ACO1: variants seen among roughly 807,000 people sequenced by gnomAD.
ACO1 encodes cytoplasmic aconitate hydratase.
ACO1 carries 78 observed loss-of-function variants against 105.1 expected under a neutral mutation model. The observed-to-expected ratio is 0.74, with a 90% CI of 0.62 to 0.90. The LOEUF is 0.90. Among genes scored for constraint, ACO1 ranks in the 40% least tolerant of loss-of-function variants. The probability of loss-of-function intolerance (pLI) is 0.00; values close to 1 mark genes in which losing one functional copy is unlikely to be tolerated. For synonymous variants in ACO1, 364 were observed against 397.4 expected (o/e 0.92, Z 1.00); for missense variants, 965 against 1,111.1 (o/e 0.87, Z 1.87).
chr9:32,431,457 A>G (rs918503134), intron 14 of ACO1, among the ~76,000 whole-genome samples: 4 of 152,180 alleles, frequency 2.6e-5, no homozygotes, highest in Non-Finnish European at 4.4e-5. Context: ...TGGAAGTTCA[A>G]TGTCAGTGAG....
chr9:32,404,744 C>T (rs918165851), intron 1 of ACO1, among the ~76,000 whole-genome samples: 1 of 152,260 alleles, frequency 6.6e-6, no homozygotes. Context: ...ATCTTCTGTG[C>T]TGCCTCTCTG....
rs531535496 is a variant in ACO1, at chr9:32,433,964, T to G, written c.1956+132T>G. On this transcript the variant is annotated intron_variant, in intron 16 of 20. Coordinates refer to ENST00000309951, the MANE Select transcript of ACO1 (RefSeq NM_002197.3). ...ACCCTTTGCAAACCCAAGCAGATAC[T>G]GCTGGGGAAAGTTTTGGGAGGCTGG... The G allele has an allele frequency of 1.7e-3, 1,185 of 714,444 alleles. 14 individuals are homozygous for G. The South Asian group carries it at 0.02, about 12-fold the overall frequency. The allele number at this position is 714,444 out of a possible 1,614,324, so 44.3% of individuals were successfully genotyped here.
At chr9:32,448,194 A>C (rs949087400) in intron 19 of ACO1, among the ~76,000 whole-genome samples, 1 of 152,160 alleles carries the variant, frequency 6.6e-6, no homozygotes, top group African/African-American at 2.4e-5. Flanking sequence ...GGTGTTATCT[A>C]TAAGTACCTG....
At chr9:32,437,655 C>T (rs566842470) in intron 18 of ACO1, among the ~76,000 whole-genome samples, 1 of 152,144 alleles carries the variant, frequency 6.6e-6, no homozygotes, top group South Asian at 2.1e-4. Context: ...TTAAATGAGA[C>T]AGAATCAAGG....
Position 32,452,194 on chromosome 9 carries a change from T to A in ACO1, c.*2083T>A, listed in dbSNP as rs1822783004. On this transcript the variant is annotated 3_prime_UTR_variant, in exon 21 of 21. Coordinates refer to ENST00000309951, the MANE Select transcript of ACO1 (RefSeq NM_002197.3). ...GAAAACAGACCTCCACCCTCTCAGCTCTCCATTACTGAGCAGCTGGGGAGC... is the reference window on the plus strand; with the variant it reads ...GAAAACAGACCTCCACCCTCTCAGCACTCCATTACTGAGCAGCTGGGGAGC... 6.6e-6 allele frequency: 1 copy of A among 152,190 alleles called. No individual in the cohort carries two copies. The highest frequency in any genetic ancestry group is 2.4e-5 in the African/African-American group (1 of 41,440). 9.4% of individuals were successfully genotyped at this position (152,190 alleles called of 1,614,324 possible).
At chr9:32,445,253 TG>T (rs1159243926) in intron 19 of ACO1, among the ~76,000 whole-genome samples, 3 of 152,210 alleles carry the variant, frequency 2.0e-5, no homozygotes, top group African/African-American at 7.2e-5. Context: ...GGGCTTTTTT[TG>T]GTTGGTAGGC....
intron 19 of ACO1, among the ~76,000 whole-genome samples, chr9:32,448,063 CA>C (rs1364980690): frequency 6.6e-6 from 1 of 152,164 alleles, no homozygotes; most frequent in Non-Finnish European, 1.5e-5. Flanking sequence ...TATCAGAGCT[CA>C]AATGCTGTGC....
In ACO1 at chr9:32,408,394, A is replaced by ATTG. The variant is rs536710907; in HGVS notation, c.267-117_267-115dup. The ATTG allele has an allele frequency of 3.3e-4, 377 of 1,152,482 alleles. 4 individuals are homozygous for ATTG. The African/African-American group carries it at 4.4e-3, about 13-fold the overall frequency. The allele number at this position is 1,152,482 out of a possible 1,614,324, so 71.4% of individuals were successfully genotyped here. On this transcript the variant is annotated intron_variant, in intron 3 of 20. Transcript: ENST00000309951. ...ACTTTCACTTTTCTAAGTCTCACCCATTGTTAGCTCCTCTGATGAGGTAGG... is the reference window on the plus strand; with the variant it reads ...ACTTTCACTTTTCTAAGTCTCACCCATTGTTGTTAGCTCCTCTGATGAGGTAGG...
intron 16 of ACO1, 114 bp from the exon 17 acceptor site, chr9:32,434,445 A>T (rs947310262): frequency 8.2e-6 from 10 of 1,215,694 alleles, no homozygotes; most frequent in Non-Finnish European, 1.0e-5. Flanking sequence ...TTTTCTGTGC[A>T]TTGGTGTGGA....
Position 32,440,637 on chromosome 9 carries a change from G to T in ACO1, c.2370+50G>T, listed in dbSNP as rs73644969. On this transcript the variant is annotated intron_variant, in intron 19 of 20. Transcript: ENST00000309951. ...GAGGCAGCTCCCCTCTGAACTGGGA[G>T]GGTCCCCAGGCACAAATCCTGTTGC... is the stretch of plus-strand genomic sequence containing the variant. 8,410 of 1,590,586 alleles carry T rather than the reference G, an allele frequency of 5.3e-3. 199 individuals carry two copies. In the African/African-American group the frequency reaches 0.068, roughly 13 times the overall value.
chr9:32,418,341 C>A lies in ACO1; in HGVS notation c.488C>A (p.Ala163Asp). ...RFEFLKWGSQ[A>D]FHNMRIIPPG... ...TGTCAATCCCAGTGGGGTTCCCAGG[C>A]TTTTCACAACATGCGGATTATTCCC... Residue 163 changes from alanine (A) to aspartate (D), a missense_variant, in exon 6 of 21, where the codon GCT becomes GAT. Transcript: ENST00000309951. 6.2e-7 allele frequency: 1 copy of A among 1,614,072 alleles called. No homozygotes were observed. The highest frequency in any genetic ancestry group is 1.3e-5 in the African/African-American group (1 of 75,022).
At position 32,429,312 on chromosome 9, in the gene ACO1, A is replaced by G. The variant is rs1822172766; in HGVS notation, c.1485-107A>G. 21 of 934,028 alleles carry G rather than the reference A, an allele frequency of 2.2e-5. 1 individual carries two copies. In the South Asian group the frequency reaches 2.8e-4, roughly 12 times the overall value. 57.9% of individuals were successfully genotyped at this position (934,028 alleles called of 1,614,324 possible). ...GCACTATACTGAACTTAGTTCATGCACTGCAATTCCTTTTTGAACAGTGGT... is the reference window on the plus strand; with the variant it reads ...GCACTATACTGAACTTAGTTCATGCGCTGCAATTCCTTTTTGAACAGTGGT... On this transcript the variant is annotated intron_variant, in intron 12 of 20. Coordinates refer to ENST00000309951, the MANE Select transcript of ACO1 (RefSeq NM_002197.3).
At chr9:32,418,601 C>G in intron 6 of ACO1, 90 bp downstream of exon 6, 1 of 1,408,334 alleles carries the variant, frequency 7.1e-7, no homozygotes, top group African/African-American at 1.4e-5. Flanking sequence ...TTTACATGAC[C>G]ACAAGTTTCC....
rs747915637 is a variant in ACO1, at chr9:32,407,429, C to T, written c.266C>T (p.Thr89Met). The T allele has an allele frequency of 1.3e-5, 21 of 1,611,548 alleles. No individual in the cohort carries two copies. Among genetic ancestry groups the T allele is most frequent in the Middle Eastern group, 1.6e-4 (1 of 6,076 alleles). The stretch of plus-strand genomic sequence containing the variant: ...GCTCGTGTCATCCTGCAGGACTTTA[C>T]GTGAGCCTAATGTCACTTCACTCTC... ...KPARVILQDF[T>M]GVPAVVDFAA... The change falls in exon 3 of 21, where the codon ACG becomes ATG. Residue 89 changes from threonine (T) to methionine (M), a missense_variant and splice_region_variant. Thr to Met is a moderately conservative substitution (Grantham distance 81). Coordinates refer to ENST00000309951, the MANE Select transcript of ACO1 (RefSeq NM_002197.3).
chr9:32,449,146 G>T lies in ACO1; in HGVS notation c.2556+65G>T, dbSNP rs564435965. The T allele has an allele frequency of 4.7e-6, 7 of 1,485,976 alleles. No individual in the cohort carries two copies. In the East Asian group the frequency reaches 1.6e-4, roughly 34 times the overall value. The allele number at this position is 1,485,976 out of a possible 1,614,324, so 92.0% of individuals were successfully genotyped here. On this transcript the variant is annotated intron_variant, in intron 20 of 20. Coordinates refer to ENST00000309951, the MANE Select transcript of ACO1 (RefSeq NM_002197.3). Reference sequence around the variant, plus strand: ...GGCCCCCTCGTTTGTAACCAGTCTTGTTAGAAGGAAATTAGTGAGGTTTAG... The same window carrying T: ...GGCCCCCTCGTTTGTAACCAGTCTTTTTAGAAGGAAATTAGTGAGGTTTAG...
intron 18 of ACO1, among the ~76,000 whole-genome samples, chr9:32,438,791 C>T (rs1210788164): frequency 1.3e-5 from 2 of 152,126 alleles, no homozygotes; most frequent in African/African-American, 2.4e-5. Context: ...CAAATGCTGA[C>T]TTACCAAAAT....
intron 12 of ACO1, among the ~76,000 whole-genome samples, chr9:32,428,778 A>G (rs1822158667): frequency 6.6e-6 from 1 of 152,080 alleles, no homozygotes; most frequent in Admixed American, 6.5e-5. Flanking sequence ...TGGGAGGTGG[A>G]GCTTGCAGTG....
chr9:32,396,059 C>T (rs1821367319), intron 1 of ACO1, among the ~76,000 whole-genome samples: 1 of 152,218 alleles, frequency 6.6e-6, no homozygotes, highest in Admixed American at 6.5e-5. Flanking sequence ...AGTGGCTGTA[C>T]ACATCTGCCG....
chr9:32,408,671 A>T lies in ACO1; in HGVS notation c.404+20A>T, dbSNP rs1406194625. ...CAGAAGGTGAGAGATTAAAACGAAT[A>T]CCTGAGTGTTCTGCTTTGTGCAAAA... On this transcript the variant is annotated intron_variant, in intron 4 of 20. Transcript: ENST00000309951. The T allele has an allele frequency of 1.9e-6, 3 of 1,612,986 alleles. No individual in the cohort carries two copies. Among genetic ancestry groups the T allele is most frequent in the Non-Finnish European group, 2.5e-6 (3 of 1,179,514 alleles).
Sources: allele counts gnomAD v4.1 joint callset (sites outside exome capture counted in the v4.1 genomes callset), GRCh38; gene constraint gnomAD v4.1.1; transcripts MANE v1.5; gene names NCBI Gene and HGNC (gene_info 2026-07-23, HGNC 2026-07-21).